CEP85L: variants seen among roughly 807,000 people sequenced by gnomAD.
CEP85L encodes the protein centrosomal protein 85L.
A neutral mutation model predicts 100.3 loss-of-function variants in CEP85L; 60 were observed. The ratio of observed to expected loss-of-function variants is 0.60; its 90% CI spans 0.49 to 0.74. The LOEUF (loss-of-function observed/expected upper bound fraction) is 0.74. Ranked by LOEUF, CEP85L falls within the 30% of genes least tolerant of loss-of-function variation. The probability of loss-of-function intolerance (pLI) is 0.00; values close to 1 mark genes in which losing one functional copy is unlikely to be tolerated. For synonymous variants in CEP85L, 319 were observed against 322.7 expected (o/e 0.99, Z 0.12); for missense variants, 973 against 936.2 (o/e 1.04, Z -0.51).
intron 1 of CEP85L, among the ~76,000 whole-genome samples, chr6:118,703,940 G>A (rs544595556): frequency 6.6e-6 from 1 of 152,248 alleles, no homozygotes; most frequent in South Asian, 2.1e-4. Context: ...GAATAAAAAT[G>A]TATCTCTGTT....
At chr6:118,587,972 T>C (rs1376021516) in intron 2 of CEP85L, among the ~76,000 whole-genome samples, 1 of 152,176 alleles carries the variant, frequency 6.6e-6, no homozygotes, top group Non-Finnish European at 1.5e-5. Flanking sequence ...CAGGGCTACA[T>C]TTTCTTTGTG....
At chr6:118,643,026 T>C (rs1304506370) in intron 1 of CEP85L, among the ~76,000 whole-genome samples, 1 of 152,202 alleles carries the variant, frequency 6.6e-6, no homozygotes, top group Non-Finnish European at 1.5e-5. Flanking sequence ...AATGAGGCTG[T>C]TCATAAAACC....
At chr6:118,686,818 C>G (rs1351910489) in intron 1 of CEP85L, among the ~76,000 whole-genome samples, 1 of 152,214 alleles carries the variant, frequency 6.6e-6, no homozygotes, top group African/African-American at 2.4e-5. Flanking sequence ...CACATACACA[C>G]TCTCCACATG....
intron 4 of CEP85L, among the ~76,000 whole-genome samples, chr6:118,516,781 T>C (rs1049630362): frequency 3.9e-5 from 6 of 152,234 alleles, no homozygotes; most frequent in African/African-American, 9.6e-5. Flanking sequence ...TTGGCTTCTG[T>C]TGCCACTGCT....
At chr6:118,545,534 G>A (rs1778148224) in intron 3 of CEP85L, among the ~76,000 whole-genome samples, 1 of 152,186 alleles carries the variant, frequency 6.6e-6, no homozygotes, top group Non-Finnish European at 1.5e-5. Flanking sequence ...GTTGCAGTGA[G>A]CTGAGATCGC....
Position 118,651,295 on chromosome 6 carries a change from AG to A in CEP85L, c.-27del. On this transcript the variant is annotated 5_prime_UTR_variant, in exon 1 of 13. Coordinates refer to ENST00000368491, the MANE Select transcript of CEP85L (RefSeq NM_001042475.3). ...CGCGGGCGAGAGGGCCGGGTGGGCCAGGGACGCCCGACTCCTCACGTCCGTC... is the reference window on the plus strand; with the variant it reads ...CGCGGGCGAGAGGGCCGGGTGGGCCAGGACGCCCGACTCCTCACGTCCGTC... The A allele has an allele frequency of 6.8e-7, 1 of 1,466,542 alleles. No individual in the cohort carries two copies. The allele number at this position is 1,466,542 out of a possible 1,614,324, so 90.8% of individuals were successfully genotyped here.
At position 118,461,608 on chromosome 6, in the gene CEP85L, T is replaced by A. The variant is rs992077395; in HGVS notation, c.*3797A>T. The A allele has an allele frequency of 4.6e-5, 7 of 151,972 alleles. No homozygotes were observed. Among genetic ancestry groups the A allele is most frequent in the Admixed American group, 6.5e-5 (1 of 15,274 alleles). 9.4% of individuals were successfully genotyped at this position (151,972 alleles called of 1,614,324 possible). On this transcript the variant is annotated 3_prime_UTR_variant, in exon 13 of 13. Transcript: ENST00000368491. ...TATATTCTTATATTTAGCACTTTTT[T>A]AAATAAGAAAAAAAATCCAAAATCT...
rs575310755 is a variant in CEP85L, at chr6:118,587,426, T to C, written c.233-21110A>G. Among the ~76,000 whole-genome samples the C allele has an allele frequency of 2.0e-5, 3 of 152,298 alleles. 1 individual carries two copies. In the South Asian group the frequency reaches 6.2e-4, roughly 32 times the overall value. ...ATACTTGGGAGTAACATCACACTTG[T>C]AATTGCTGATAGTTCAAAGATTTGA... On this transcript the variant is annotated intron_variant, in intron 2 of 12. Coordinates refer to ENST00000368491, the MANE Select transcript of CEP85L (RefSeq NM_001042475.3).
intron 3 of CEP85L, among the ~76,000 whole-genome samples, chr6:118,534,181 A>G (rs1442757863): frequency 6.6e-6 from 1 of 152,346 alleles, no homozygotes; most frequent in East Asian, 1.9e-4. Context: ...AAGTGACTTT[A>G]ACAAGATTAT....
At chr6:118,682,098 A>G (rs1776683719) in intron 1 of CEP85L, among the ~76,000 whole-genome samples, 1 of 152,106 alleles carries the variant, frequency 6.6e-6, no homozygotes, top group South Asian at 2.1e-4. Context: ...AATATTTCTT[A>G]CTTACAGGCC....
At chr6:118,654,511 G>A (rs964459789), upstream of CEP85L, among the ~76,000 whole-genome samples, 1 of 152,146 alleles carries the variant, frequency 6.6e-6, no homozygotes, top group Admixed American at 6.5e-5. Context: ...GACAATTCTT[G>A]TATATCAAGT....
At chr6:118,501,942 G>C (rs2114668084) in intron 5 of CEP85L, 2 of 956,250 alleles carry the variant, frequency 2.1e-6, no homozygotes, top group South Asian at 2.9e-5. Context: ...AGAGACAGTA[G>C]GAGCAGCTTG....
intron 2 of CEP85L, among the ~76,000 whole-genome samples, chr6:118,597,555 T>A (rs372129241): frequency 1.2e-4 from 18 of 152,262 alleles, no homozygotes; most frequent in African/African-American, 4.3e-4. Context: ...TTATAGAAAC[T>A]TATATTTAAC....
intron 1 of CEP85L, among the ~76,000 whole-genome samples, chr6:118,707,190 C>CTTTTTTT (rs5879468): frequency 2.9e-5 from 4 of 135,852 alleles, no homozygotes; most frequent in Non-Finnish European, 3.1e-5. Flanking sequence ...TCCTCATCTG[C>CTTTTTTT]TTTTTTTTTT....
chr6:118,466,933 G>A (rs550174397), intron 12 of CEP85L, among the ~76,000 whole-genome samples: 21 of 152,244 alleles, frequency 1.4e-4, no homozygotes, highest in East Asian at 9.7e-4. Flanking sequence ...GTAAGCAGAT[G>A]ACAGAACTGA....
At chr6:118,481,628 T>TG in intron 8 of CEP85L, 151 bp downstream of exon 8, 1 of 446,998 alleles carries the variant, frequency 2.2e-6, no homozygotes, top group Non-Finnish European at 3.8e-6. Context: ...AAAACATCCC[T>TG]GGTCACAGGC....
upstream of CEP85L, chr6:118,652,525 G>A (rs933334100): frequency 3.6e-6 from 5 of 1,392,608 alleles, no homozygotes; most frequent in East Asian, 2.8e-5. Context: ...TCAGAGGTAA[G>A]TCGGAACGCA....
At chr6:118,488,421 C>T (rs1774337302) in intron 6 of CEP85L, among the ~76,000 whole-genome samples, 1 of 151,616 alleles carries the variant, frequency 6.6e-6, no homozygotes, top group Non-Finnish European at 1.5e-5. Context: ...GTCAAAAGCA[C>T]TCTAGATCAA....
At chr6:118,542,566 C>T (rs1777953769) in intron 3 of CEP85L, among the ~76,000 whole-genome samples, 1 of 147,844 alleles carries the variant, frequency 6.8e-6, no homozygotes, top group Non-Finnish European at 1.5e-5. Flanking sequence ...CATTTATTTA[C>T]GAGAAAACTA....
Sources: allele counts gnomAD v4.1 joint callset (sites outside exome capture counted in the v4.1 genomes callset), GRCh38; gene constraint gnomAD v4.1.1; transcripts MANE v1.5; gene names NCBI Gene and HGNC (gene_info 2026-07-23, HGNC 2026-07-21).